The following NKAIN3 variants were observed in gnomAD, a reference collection of about 807,000 sequenced individuals.
NKAIN3 encodes sodium/potassium-transporting ATPase subunit beta-1-interacting protein 3.
A neutral mutation model predicts 30.2 loss-of-function variants in NKAIN3; 25 were observed. That is an observed-to-expected ratio of 0.83 (90% confidence interval 0.60 to 1.16). NKAIN3 has a LOEUF of 1.16. NKAIN3 is among the 50% of genes most tolerant of loss of function. The pLI is 0.00. For missense variants in NKAIN3, 225 were observed against 254.1 expected (o/e 0.89, Z 0.78); for synonymous variants, 91 against 89.6 (o/e 1.02, Z -0.09).
intron 1 of NKAIN3, among the ~76,000 whole-genome samples, chr8:62,577,417 C>G (rs1810144845): frequency 6.8e-6 from 1 of 145,990 alleles, no homozygotes; most frequent in Non-Finnish European, 1.5e-5. Context: ...CACCTTAAAG[C>G]TTTTTGTCAT....
chr8:62,460,025 G>T (rs1270584978), intron 1 of NKAIN3, among the ~76,000 whole-genome samples: 9 of 152,174 alleles, frequency 5.9e-5, no homozygotes, highest in Non-Finnish European at 1.5e-5. Flanking sequence ...CAGTTAGGAG[G>T]CTCTTATAAT....
At chr8:62,918,413 G>C in intron 4 of NKAIN3, 40 bp from the exon 5 acceptor site, 1 of 1,464,782 alleles carries the variant, frequency 6.8e-7, no homozygotes, top group Non-Finnish European at 9.6e-7. Flanking sequence ...ATGGAAACTT[G>C]GCATAGATTC....
intron 4 of NKAIN3, among the ~76,000 whole-genome samples, chr8:62,794,510 A>G (rs147006423): frequency 6.6e-6 from 1 of 152,238 alleles, no homozygotes; most frequent in East Asian, 1.9e-4. Context: ...CCAAATCTAC[A>G]TAAAATACTG....
chr8:62,890,511 T>C (rs1158510735), intron 4 of NKAIN3, among the ~76,000 whole-genome samples: 2 of 152,252 alleles, frequency 1.3e-5, no homozygotes, highest in South Asian at 2.1e-4. Context: ...TATTGAAAAG[T>C]AGTTTCTCTG....
intron 1 of NKAIN3, among the ~76,000 whole-genome samples, chr8:62,575,753 G>A (rs1585874): frequency 0.089 from 13,544 of 152,088 alleles, 629 homozygotes; most frequent in Middle Eastern, 0.16. Flanking sequence ...CATGGCACTG[G>A]CATAAAAACA....
chr8:62,374,164 A>G (rs976034590), intron 1 of NKAIN3, among the ~76,000 whole-genome samples: 1 of 151,520 alleles, frequency 6.6e-6, no homozygotes, highest in Admixed American at 6.6e-5. Flanking sequence ...AAAGAAAGAA[A>G]GAGAAAGAGA....
intron 1 of NKAIN3, among the ~76,000 whole-genome samples, chr8:62,403,763 G>A (rs571282414): frequency 1.6e-3 from 240 of 152,340 alleles, no homozygotes; most frequent in Non-Finnish European, 2.6e-3. Flanking sequence ...AGGGAAATGT[G>A]GGGTCAGAGC....
chr8:62,480,561 G>T (rs995704891), intron 1 of NKAIN3, among the ~76,000 whole-genome samples: 16 of 145,188 alleles, frequency 1.1e-4, no homozygotes, highest in African/African-American at 4.0e-4. Flanking sequence ...GAATAGAGAA[G>T]AAAAATGATT....
intron 5 of NKAIN3, among the ~76,000 whole-genome samples, chr8:62,923,711 C>T (rs1014123271): frequency 4.6e-5 from 7 of 152,134 alleles, no homozygotes; most frequent in African/African-American, 1.7e-4. Context: ...TAGGAGTCGA[C>T]TCATCTGCAA....
At chr8:62,327,992 T>A (rs1815201556) in intron 1 of NKAIN3, among the ~76,000 whole-genome samples, 1 of 152,102 alleles carries the variant, frequency 6.6e-6, no homozygotes, top group African/African-American at 2.4e-5. Flanking sequence ...AGGAATCTTT[T>A]AAAAATGTAA....
At chr8:62,642,754 A>G (rs1455093652) in intron 3 of NKAIN3, among the ~76,000 whole-genome samples, 5 of 152,032 alleles carry the variant, frequency 3.3e-5, no homozygotes, top group Non-Finnish European at 7.4e-5. Flanking sequence ...AAGTCGTGTT[A>G]AGTACAAATG....
chr8:62,591,095 C>T (rs780339417), intron 3 of NKAIN3, among the ~76,000 whole-genome samples: 2 of 151,926 alleles, frequency 1.3e-5, no homozygotes, highest in Admixed American at 6.6e-5. Flanking sequence ...TTAAGCACAA[C>T]ATTTTCAACT....
At chr8:62,813,972 T>C (rs552305742) in intron 4 of NKAIN3, among the ~76,000 whole-genome samples, 3 of 152,218 alleles carry the variant, frequency 2.0e-5, no homozygotes, top group South Asian at 4.1e-4. Context: ...TCTCATTCTG[T>C]CCAGGTCTGT....
chr8:62,889,781 G>A (rs546116118), intron 4 of NKAIN3, among the ~76,000 whole-genome samples: 8 of 152,138 alleles, frequency 5.3e-5, no homozygotes, highest in Non-Finnish European at 7.4e-5. Flanking sequence ...CTTGAGCAAC[G>A]GCCAGGATTC....
intron 1 of NKAIN3, chr8:62,344,807 A>G: frequency 2.3e-6 from 1 of 427,318 alleles, no homozygotes; most frequent in Non-Finnish European, 4.7e-6. Context: ...GTAGTTCCAT[A>G]TGAATTTTAA....
In NKAIN3 at chr8:62,965,632, A is replaced by AAG; in HGVS notation, c.*226_*227insGA. 1.3e-5 allele frequency: 13 copies of AAG among 972,990 alleles called. No individual in the cohort carries two copies. Among genetic ancestry groups the AAG allele is most frequent in the Non-Finnish European group, 1.6e-5 (13 of 823,482 alleles). 60.3% of individuals were successfully genotyped at this position (972,990 alleles called of 1,614,324 possible). On this transcript the variant is annotated 3_prime_UTR_variant, in exon 7 of 7. Transcript: ENST00000623646. ...CACTTGTAAGTTGTAAAAAAAAAAA[A>AAG]AAAAGAAAAAACAGAATTTGGTTTT...
chr8:62,647,032 G>C (rs1447981127), intron 3 of NKAIN3, among the ~76,000 whole-genome samples: 2 of 152,064 alleles, frequency 1.3e-5, no homozygotes, highest in African/African-American at 2.4e-5. Context: ...ACCGTGTGTG[G>C]GTTTTTACAC....
In NKAIN3 at chr8:62,966,343, C is replaced by T; in HGVS notation, c.*936C>T. On this transcript the variant is annotated 3_prime_UTR_variant, in exon 7 of 7. Coordinates refer to ENST00000623646, the MANE Select transcript of NKAIN3 (RefSeq NM_001304533.3). ...AACATCAGCTTTTCTTTCTCCTACC[C>T]CTTCCCAATAACCAAGAAAATGATA... 1.0e-6 allele frequency: 1 copy of T among 984,534 alleles called. No individual in the cohort carries two copies. Among genetic ancestry groups the T allele is most frequent in the Non-Finnish European group, 1.2e-6 (1 of 829,178 alleles). The allele number at this position is 984,534 out of a possible 1,614,324, so 61.0% of individuals were successfully genotyped here.
intron 1 of NKAIN3, among the ~76,000 whole-genome samples, chr8:62,349,517 A>G (rs1816116911): frequency 6.6e-6 from 1 of 152,208 alleles, no homozygotes; most frequent in African/African-American, 2.4e-5. Context: ...GTTTAGGTAA[A>G]GTTGAAGAAA....
Sources: gnomAD v4.1 joint callset for allele counts (sites outside exome capture counted in the v4.1 genomes callset) on GRCh38, gnomAD v4.1.1 for gene constraint, MANE v1.5 for transcripts, NCBI Gene and HGNC (gene_info 2026-07-23, HGNC 2026-07-21) for gene names.